Variants in PALLD observed in about 807,000 individuals in gnomAD.
The protein encoded by PALLD is palladin, cytoskeletal associated protein, also known as palladin.
PALLD carries 61 observed loss-of-function variants against 123.5 expected under a neutral mutation model. The observed-to-expected ratio is 0.49, with a 90% CI of 0.40 to 0.61. The LOEUF is 0.61. Ranked by LOEUF, PALLD falls within the 20% of genes least tolerant of loss-of-function variation. PALLD has a pLI of 0.00. For missense variants in PALLD, 1,273 were observed against 1,377.0 expected, an observed-to-expected ratio of 0.92 and a Z score of 1.20; for synonymous variants, 465 against 496.4, an observed-to-expected ratio of 0.94 and a Z score of 0.84.
chr4:168,596,924 T>C (rs1179042638), intron 2 of PALLD, among the ~76,000 whole-genome samples: 1 of 127,772 alleles, frequency 7.8e-6, no homozygotes, highest in Non-Finnish European at 1.9e-5. Context: ...AAATTCAATA[T>C]AGCACTTTTA....
chr4:168,551,846 T>C (rs559676391), intron 2 of PALLD, among the ~76,000 whole-genome samples: 3 of 152,298 alleles, frequency 2.0e-5, no homozygotes, highest in South Asian at 4.1e-4. Flanking sequence ...TGGAAACATC[T>C]GACTCTGATA....
chr4:168,898,849 T>C, intron 14 of PALLD, 135 bp downstream of exon 14: 1 of 725,804 alleles, frequency 1.4e-6, no homozygotes, highest in South Asian at 1.6e-5. Flanking sequence ...GTTTTAAATA[T>C]TCTTAAGTTC....
chr4:168,752,678 A>G (rs1039386), intron 10 of PALLD, among the ~76,000 whole-genome samples: 54,238 of 152,016 alleles, frequency 0.36, 9,880 homozygotes, highest in Middle Eastern at 0.4. Context: ...AATGATCCTG[A>G]TAACTATTCC....
At chr4:168,924,523 T>C (rs987708772) in intron 19 of PALLD, 103 bp downstream of exon 19, 2 of 1,142,860 alleles carry the variant, frequency 1.7e-6, no homozygotes, top group African/African-American at 1.5e-5. Flanking sequence ...AAAAGCCACA[T>C]AGATGTTTTG....
At chr4:168,647,022 A>G (rs1330234225) in intron 2 of PALLD, among the ~76,000 whole-genome samples, 1 of 152,212 alleles carries the variant, frequency 6.6e-6, no homozygotes, top group Non-Finnish European at 1.5e-5. Context: ...CTACCTCTCA[A>G]TGTGCATAGC....
At chr4:168,753,476 C>G (rs2150395481) in intron 10 of PALLD, among the ~76,000 whole-genome samples, 1 of 152,142 alleles carries the variant, frequency 6.6e-6, no homozygotes, top group East Asian at 1.9e-4. Context: ...CCCTAGCCAG[C>G]ATTCAAGATG....
At chr4:168,570,995 G>C (rs1453105305) in intron 2 of PALLD, among the ~76,000 whole-genome samples, 2 of 152,128 alleles carry the variant, frequency 1.3e-5, no homozygotes, top group African/African-American at 4.8e-5. Context: ...GCCTGACTTG[G>C]TTTTGTAATC....
At chr4:168,832,223 A>G (rs907462749) in intron 10 of PALLD, 25 of 980,186 alleles carry the variant, frequency 2.6e-5, no homozygotes, top group Non-Finnish European at 3.0e-5. Context: ...TGTGAATTAA[A>G]GGGAGTGCAG....
rs111852503 is a variant in PALLD, at chr4:168,862,376, G to A, written c.1965-28546G>A. Among the ~76,000 whole-genome samples the A allele has an allele frequency of 8.1e-3, 1,231 of 151,914 alleles. 12 individuals are homozygous for A. The highest frequency in any genetic ancestry group is 0.028 in the African/African-American group (1,165 of 41,404). On this transcript the variant is annotated intron_variant, in intron 10 of 21. Transcript: ENST00000505667. The stretch of plus-strand genomic sequence containing the variant: ...TTGCCTAGGCTGGTCTCAAGATCTG[G>A]GCTCAAGTGATCCTCCCACCTCAAC...
At chr4:168,708,046 G>T (rs1396076946) in intron 8 of PALLD, among the ~76,000 whole-genome samples, 1 of 152,164 alleles carries the variant, frequency 6.6e-6, no homozygotes, top group Non-Finnish European at 1.5e-5. Context: ...TTGGAGTCTG[G>T]ACCCCAGCTT....
rs1275884283 is a variant in PALLD, at chr4:168,844,446, C to G, written c.1965-46476C>G. 3 of 152,322 alleles carry G rather than the reference C, an allele frequency of 2.0e-5. No individual in the cohort carries two copies. The highest frequency in any genetic ancestry group is 6.5e-5 in the Admixed American group (1 of 15,300). 9.4% of individuals were successfully genotyped at this position (152,322 alleles called of 1,614,324 possible). The stretch of plus-strand genomic sequence containing the variant: ...ACACAGAAGAGAGAAGTGGGGAACC[C>G]CACAAGCCTTGAGAATTTCAAGAAT... On this transcript the variant is annotated intron_variant, in intron 10 of 21. Coordinates refer to ENST00000505667, the MANE Select transcript of PALLD (RefSeq NM_001166108.2). The surrounding 1 kb of genome is among the most constrained non-coding windows in gnomAD (Gnocchi z 4.5).
chr4:168,738,581 C>A (rs1016495066), intron 10 of PALLD, among the ~76,000 whole-genome samples: 9 of 150,390 alleles, frequency 6.0e-5, no homozygotes, highest in Non-Finnish European at 1.3e-4. Context: ...TAGGCGTGTA[C>A]TACCATGCCC....
intron 10 of PALLD, among the ~76,000 whole-genome samples, chr4:168,888,933 G>T (rs114455861): frequency 3.9e-5 from 6 of 152,188 alleles, no homozygotes; most frequent in Admixed American, 3.9e-4. Context: ...TAGGAGGGAC[G>T]GTGGCAGAGT....
intron 3 of PALLD, among the ~76,000 whole-genome samples, chr4:168,673,117 A>G (rs1780457303): frequency 6.6e-6 from 1 of 152,202 alleles, no homozygotes; most frequent in Admixed American, 6.5e-5. Flanking sequence ...ACAGTGAGTG[A>G]CTACTGTAAG....
At chr4:168,637,082 G>T (rs1561331893) in intron 2 of PALLD, among the ~76,000 whole-genome samples, 1 of 152,152 alleles carries the variant, frequency 6.6e-6, no homozygotes, top group Non-Finnish European at 1.5e-5. Flanking sequence ...GACTCCTGGA[G>T]AGTGCGATGA....
chr4:168,873,694 A>ATG (rs1333711175), intron 10 of PALLD, among the ~76,000 whole-genome samples: 1 of 152,224 alleles, frequency 6.6e-6, no homozygotes, highest in Non-Finnish European at 1.5e-5. Flanking sequence ...ATAGAGAATG[A>ATG]TGTGGCACCA....
chr4:168,665,273 T>A (rs961246706), intron 2 of PALLD, among the ~76,000 whole-genome samples: 2 of 152,192 alleles, frequency 1.3e-5, no homozygotes, highest in Non-Finnish European at 2.9e-5. Context: ...GGCCTTTCTA[T>A]CCTATTGGAA....
At chr4:168,853,029 A>G (rs966909807) in intron 10 of PALLD, among the ~76,000 whole-genome samples, 2 of 152,258 alleles carry the variant, frequency 1.3e-5, no homozygotes, top group African/African-American at 4.8e-5. Flanking sequence ...ATTAGTTTTC[A>G]TAATTTTAGC....
chr4:168,881,666 G>A (rs1251014600), intron 10 of PALLD, among the ~76,000 whole-genome samples: 1 of 152,006 alleles, frequency 6.6e-6, no homozygotes, highest in Non-Finnish European at 1.5e-5. Context: ...CAAATATTAA[G>A]TTGACAAACT....
Sources: gnomAD v4.1 joint callset for allele counts (sites outside exome capture counted in the v4.1 genomes callset) on GRCh38, gnomAD v4.1.1 for gene constraint, Gnocchi (gnomAD v3.1) non-coding constraint, MANE v1.5 for transcripts, NCBI Gene and HGNC (gene_info 2026-07-23, HGNC 2026-07-21) for gene names.